The following MBNL3 variants were observed in gnomAD, a reference collection of about 807,000 sequenced individuals.
The protein encoded by MBNL3 is muscleblind like splicing regulator 3, also known as muscleblind-like protein 3.
In MBNL3, 6 loss-of-function variants were observed where a neutral mutation model predicts 24.5. That is an observed-to-expected ratio of 0.25 (90% CI 0.13 to 0.48). The LOEUF (loss-of-function observed/expected upper bound fraction) is 0.48. Among genes scored for constraint, MBNL3 ranks in the 20% least tolerant of loss-of-function variants. The pLI, the probability that MBNL3 is intolerant of heterozygous loss-of-function variation, is 0.99. For synonymous variants in MBNL3, 100 were observed against 101.7 expected, an observed-to-expected ratio of 0.98 and a Z score of 0.10; for missense variants, 230 against 293.5, an observed-to-expected ratio of 0.78 and a Z score of 1.58.
chrX:132,468,711 A>G (rs1947017893), intron 1 of MBNL3, among the ~76,000 whole-genome samples: 1 of 112,107 alleles, frequency 8.9e-6, no homozygotes, highest in South Asian at 3.7e-4. Flanking sequence ...TATGCAGCAG[A>G]TGAGTGGAAG....
chrX:132,440,174 A>G lies in MBNL3; in HGVS notation c.-563T>C, dbSNP rs1271564549. On this transcript the variant is annotated 5_prime_UTR_variant, in exon 2 of 9. Transcript: ENST00000370853. Reference sequence around the variant, plus strand: ...GAAAAAAGAAATGGACCAGCTGCTGACAGTAAACTACAAGCACACCAGGTT... The same window carrying G: ...GAAAAAAGAAATGGACCAGCTGCTGGCAGTAAACTACAAGCACACCAGGTT... 1.8e-5 allele frequency among the ~76,000 whole-genome samples: 2 copies of G among 110,772 alleles called. No individual in the cohort carries two copies. The highest frequency in any genetic ancestry group is 2.8e-4 in the East Asian group (1 of 3,541).
intron 1 of MBNL3, among the ~76,000 whole-genome samples, chrX:132,470,837 A>T (rs369720481): frequency 1.5e-4 from 17 of 111,644 alleles, no homozygotes; most frequent in African/African-American, 5.5e-4. Context: ...CCAATCCTAG[A>T]TGGCTAATAC....
chrX:132,446,407 C>T (rs1011198335), intron 1 of MBNL3, among the ~76,000 whole-genome samples: 2 of 112,147 alleles, frequency 1.8e-5, no homozygotes, highest in African/African-American at 6.5e-5. Context: ...TTTACACATC[C>T]ACCAACAGTG....
chrX:132,463,494 A>C (rs1268784388), intron 1 of MBNL3, among the ~76,000 whole-genome samples: 1 of 111,824 alleles, frequency 8.9e-6, no homozygotes, highest in Non-Finnish European at 1.9e-5. Context: ...GAATATTTAC[A>C]TTGACCATTT....
chrX:132,421,336 T>C (rs958271968), intron 2 of MBNL3, among the ~76,000 whole-genome samples: 1 of 111,808 alleles, frequency 8.9e-6, no homozygotes, highest in Non-Finnish European at 1.9e-5. Flanking sequence ...AGAGGTAATA[T>C]ATTATCATAG....
chrX:132,418,717 C>A (rs1323985251), intron 2 of MBNL3, among the ~76,000 whole-genome samples: 2 of 112,312 alleles, frequency 1.8e-5, no homozygotes, highest in Non-Finnish European at 3.8e-5. Flanking sequence ...ATGAATAAGA[C>A]AAGGCAATTG....
At chrX:132,481,162 C>A (rs377095183) in intron 1 of MBNL3, among the ~76,000 whole-genome samples, 52 of 112,305 alleles carry the variant, frequency 4.6e-4, no homozygotes, top group South Asian at 3.6e-3. Context: ...CATTGCTTGT[C>A]ACCGTTTCTG....
chrX:132,382,147 T>G, intron 8 of MBNL3, 31 bp downstream of exon 8: 1 of 1,172,473 alleles, frequency 8.5e-7, no homozygotes. Context: ...GTAGTTATCT[T>G]GATCTGAACA....
intron 1 of MBNL3, among the ~76,000 whole-genome samples, chrX:132,464,901 T>C (rs1946810925): frequency 9.0e-6 from 1 of 110,511 alleles, no homozygotes; most frequent in Non-Finnish European, 1.9e-5. Flanking sequence ...AAAAATTAGC[T>C]GGGCGTGGTG....
At chrX:132,442,943 G>A (rs902123234) in intron 1 of MBNL3, among the ~76,000 whole-genome samples, 2 of 111,813 alleles carry the variant, frequency 1.8e-5, no homozygotes, top group African/African-American at 6.5e-5. Context: ...ATGCAGCTCT[G>A]TTTGTCTATG....
Position 132,374,914 on chromosome X carries a change from AAGTT to A in MBNL3, c.*4748_*4751del, listed in dbSNP as rs769703876. The A allele has an allele frequency of 5.4e-5, 6 of 112,038 alleles. No individual in the cohort carries two copies. In the South Asian group the frequency reaches 2.2e-3, roughly 41 times the overall value. 9.2% of individuals were successfully genotyped at this position (112,038 alleles called of 1,213,427 possible). ...GTAATTTTGAATTAAGTTATAAAAAAAGTTAGGTAATGTATTAAAAATGCAATGA... is the reference window on the plus strand; with the variant it reads ...GTAATTTTGAATTAAGTTATAAAAAAAGGTAATGTATTAAAAATGCAATGA... On this transcript the variant is annotated 3_prime_UTR_variant, in exon 9 of 9. Coordinates refer to ENST00000370853, the MANE Select transcript of MBNL3 (RefSeq NM_001386889.1).
chrX:132,421,180 C>T (rs1377219902), intron 2 of MBNL3, among the ~76,000 whole-genome samples: 2 of 111,895 alleles, frequency 1.8e-5, no homozygotes, highest in African/African-American at 6.5e-5. Context: ...AAAATTTAGT[C>T]TGTTTTGCAA....
chrX:132,422,122 A>G (rs1943877225), intron 2 of MBNL3, among the ~76,000 whole-genome samples: 1 of 105,903 alleles, frequency 9.4e-6, no homozygotes, highest in South Asian at 3.9e-4. Flanking sequence ...ATGTCTGAAT[A>G]TACTATGTGT....
At chrX:132,387,030 T>A (rs1008420291) in intron 5 of MBNL3, among the ~76,000 whole-genome samples, 7 of 110,279 alleles carry the variant, frequency 6.3e-5, no homozygotes, top group Non-Finnish European at 1.3e-4. Flanking sequence ...CCCAGCACTT[T>A]GGGAGGCTGA....
intron 1 of MBNL3, among the ~76,000 whole-genome samples, chrX:132,458,252 G>A (rs1603261799): frequency 1.8e-5 from 2 of 108,832 alleles, no homozygotes; most frequent in East Asian, 5.7e-4. Flanking sequence ...TTCAAAAAAT[G>A]TCTTAGTGGA....
At chrX:132,478,195 TTTG>T (rs1171420153) in intron 1 of MBNL3, among the ~76,000 whole-genome samples, 1 of 95,667 alleles carries the variant, frequency 1.0e-5, no homozygotes. Flanking sequence ...TAGTTGTCAT[TTTG>T]TTGTTGTTGT....
chrX:132,448,687 G>C (rs920159650), intron 1 of MBNL3, among the ~76,000 whole-genome samples: 1 of 111,186 alleles, frequency 9.0e-6, no homozygotes, highest in Non-Finnish European at 1.9e-5. Context: ...GCTAGCTTTT[G>C]AGTTTGTTTG....
At chrX:132,476,356 T>G (rs1947439032) in intron 1 of MBNL3, among the ~76,000 whole-genome samples, 1 of 111,840 alleles carries the variant, frequency 8.9e-6, no homozygotes. Flanking sequence ...AAGAAGGGGT[T>G]TCCCTCACTT....
intron 2 of MBNL3, among the ~76,000 whole-genome samples, chrX:132,417,668 C>T (rs760726109): frequency 1.8e-5 from 2 of 111,248 alleles, no homozygotes; most frequent in South Asian, 3.8e-4. Flanking sequence ...TTTTAATTAG[C>T]GGAATCCTTA....
Sources: gnomAD v4.1 joint callset for allele counts (sites outside exome capture counted in the v4.1 genomes callset) on GRCh38, gnomAD v4.1.1 for gene constraint, MANE v1.5 for transcripts, NCBI Gene and HGNC (gene_info 2026-07-23, HGNC 2026-07-21) for gene names.